The following TENM3 variants were observed in gnomAD, a reference collection of about 807,000 sequenced individuals.
TENM3 encodes the protein teneurin-3.
A neutral mutation model predicts 255.1 loss-of-function variants in TENM3; 63 were observed. The observed-to-expected ratio is 0.25, with a 90% CI of 0.20 to 0.30. TENM3 has a LOEUF of 0.30. TENM3 is among the 10% of genes least tolerant of loss of function. The probability of loss-of-function intolerance (pLI) is 1.00; values close to 1 mark genes in which losing one functional copy is unlikely to be tolerated. For missense variants in TENM3, 2,929 were observed against 3,461.1 expected (o/e 0.85, Z 3.86); for synonymous variants, 1,306 against 1,322.3 (o/e 0.99, Z 0.27).
At chr4:181,923,570 A>T in the TENM3 span, among the ~76,000 whole-genome samples, 1 of 152,186 alleles carries the variant, frequency 6.6e-6, no homozygotes, top group African/African-American at 2.4e-5. Flanking sequence ...ATCAAAGCCG[A>T]TTATTAGCCC....
chr4:182,121,735 C>T, the TENM3 span, among the ~76,000 whole-genome samples: 2 of 152,122 alleles, frequency 1.3e-5, no homozygotes, highest in African/African-American at 2.4e-5. Context: ...GAGTATCTTG[C>T]GTCAGTGTTC....
chr4:181,684,123 G>A, the TENM3 span, among the ~76,000 whole-genome samples: 1 of 152,244 alleles, frequency 6.6e-6, no homozygotes, highest in African/African-American at 2.4e-5. Flanking sequence ...CGTTCCTGGC[G>A]TCCTCCACAC....
At position 182,228,392 on chromosome 4, in the gene TENM3, G is replaced by GTGTGTGTGTGTA. The variant is rs139457090; in HGVS notation, c.-76+83639_-76+83640insGTGTGTGTGTAT. Among the ~76,000 whole-genome samples, 538 of 104,508 alleles carry GTGTGTGTGTGTA rather than the reference G, an allele frequency of 5.1e-3. 61 individuals are homozygous for GTGTGTGTGTGTA. The highest frequency in any genetic ancestry group is 0.023 in the African/African-American group (519 of 22,468). The allele number at this position is 104,508 out of a possible 152,430, so 68.6% of individuals were successfully genotyped here. On this transcript the variant is annotated intron_variant, in intron 1 of 2. Coordinates refer to the TENM3 transcript ENST00000512480. Reference sequence around the variant, plus strand: ...TGTGTGTGTGTGTGTGTGTGTGTGTGTATATGTAATCCCTCCCAGCTCTAA... The same window carrying GTGTGTGTGTGTA: ...TGTGTGTGTGTGTGTGTGTGTGTGTGTGTGTGTGTGTATATATGTAATCCCTCCCAGCTCTAA...
rs189910884 is a variant in TENM3, at chr4:182,358,951, G to A, written c.511+12022G>A. ...GAAGGGTTGTTGAATTTTGTCAAAG[G>A]CCTTTCCTGCATCTATTGAGATAAT... is the stretch of plus-strand genomic sequence containing the variant. On this transcript the variant is annotated intron_variant, in intron 3 of 27. Transcript: ENST00000511685. Among the ~76,000 whole-genome samples the A allele has an allele frequency of 7.0e-3, 1,067 of 151,914 alleles. 4 individuals carry two copies. Among genetic ancestry groups the A allele is most frequent in the East Asian group, 0.016 (83 of 5,164 alleles).
the TENM3 span, among the ~76,000 whole-genome samples, chr4:182,120,156 G>A: frequency 6.6e-6 from 1 of 150,642 alleles, no homozygotes; most frequent in Non-Finnish European, 1.5e-5. Context: ...TTAGTCCCTT[G>A]AAGAGAGGTT....
At chr4:182,362,985 A>G (rs929203594) in intron 3 of TENM3, among the ~76,000 whole-genome samples, 1 of 152,216 alleles carries the variant, frequency 6.6e-6, no homozygotes, top group African/African-American at 2.4e-5. Context: ...TCTGTCTAAG[A>G]TTGATTGAAA....
At chr4:182,045,767 G>A in the TENM3 span, among the ~76,000 whole-genome samples, 1 of 152,198 alleles carries the variant, frequency 6.6e-6, no homozygotes, top group South Asian at 2.1e-4. Context: ...TTAAAACCTA[G>A]GCCGGGCACA....
chr4:181,880,375 A>G, the TENM3 span, among the ~76,000 whole-genome samples: 3 of 152,242 alleles, frequency 2.0e-5, no homozygotes, highest in Non-Finnish European at 4.4e-5. Context: ...TAACACATGC[A>G]AATAATAAAT....
chr4:181,938,136 G>A, the TENM3 span, among the ~76,000 whole-genome samples: 2 of 152,160 alleles, frequency 1.3e-5, no homozygotes, highest in African/African-American at 4.8e-5. Flanking sequence ...CATGCTTGCT[G>A]CTACATGTGG....
At chr4:182,239,194 A>G (rs1757091573), upstream of TENM3, among the ~76,000 whole-genome samples, 1 of 151,670 alleles carries the variant, frequency 6.6e-6, no homozygotes. Flanking sequence ...CTCCTGTCTT[A>G]GCCTCCCGAG....
chr4:181,550,011 G>T, the TENM3 span, among the ~76,000 whole-genome samples: 12 of 152,092 alleles, frequency 7.9e-5, no homozygotes, highest in African/African-American at 2.9e-4. Flanking sequence ...TGACAAGAGT[G>T]CTCGGGGTTC....
chr4:181,979,316 T>C, the TENM3 span, among the ~76,000 whole-genome samples: 1 of 151,278 alleles, frequency 6.6e-6, no homozygotes, highest in Non-Finnish European at 1.5e-5. Context: ...TAAATTCCCA[T>C]GGATAAAGCC....
chr4:182,675,671 A>T (rs1468635339), intron 7 of TENM3, among the ~76,000 whole-genome samples: 1 of 152,220 alleles, frequency 6.6e-6, no homozygotes, highest in Non-Finnish European at 1.5e-5. Flanking sequence ...GAAACCGCAT[A>T]TGTGATTATT....
At chr4:182,499,584 CT>C in intron 3 of TENM3, among the ~76,000 whole-genome samples, 1 of 152,250 alleles carries the variant, frequency 6.6e-6, no homozygotes, top group African/African-American at 2.4e-5. Context: ...TTTCCTGTTC[CT>C]TTTTTGTGAG....
At chr4:182,572,210 T>C (rs1401042638) in intron 3 of TENM3, among the ~76,000 whole-genome samples, 1 of 152,220 alleles carries the variant, frequency 6.6e-6, no homozygotes, top group African/African-American at 2.4e-5. Flanking sequence ...CCAATATTAC[T>C]GTTTTTAAAA....
chr4:182,567,991 G>T (rs2152002249), intron 3 of TENM3, among the ~76,000 whole-genome samples: 1 of 152,222 alleles, frequency 6.6e-6, no homozygotes, highest in Non-Finnish European at 1.5e-5. Flanking sequence ...TTGGAAAGTT[G>T]GTGTTAAGGG....
the TENM3 span, among the ~76,000 whole-genome samples, chr4:181,562,930 C>T: frequency 6.6e-6 from 1 of 152,172 alleles, no homozygotes; most frequent in South Asian, 2.1e-4. Flanking sequence ...CCGCCTGGGC[C>T]TCCCAAAGTG....
At chr4:182,396,730 G>A (rs890106600) in intron 3 of TENM3, among the ~76,000 whole-genome samples, 1 of 152,188 alleles carries the variant, frequency 6.6e-6, no homozygotes, top group Non-Finnish European at 1.5e-5. Context: ...GGGAGGCTGA[G>A]GCGGGTGGAT....
At chr4:182,067,773 G>A in the TENM3 span, among the ~76,000 whole-genome samples, 1 of 152,174 alleles carries the variant, frequency 6.6e-6, no homozygotes, top group Non-Finnish European at 1.5e-5. Flanking sequence ...GGTCTCTGCA[G>A]TATAGGATGA....
Sources: allele counts gnomAD v4.1 joint callset (sites outside exome capture counted in the v4.1 genomes callset), GRCh38; gene constraint gnomAD v4.1.1; transcripts MANE v1.5; gene names NCBI Gene and HGNC (gene_info 2026-07-23, HGNC 2026-07-21).